PPARG: variants seen among roughly 807,000 people sequenced by gnomAD.
PPARG encodes the protein peroxisome proliferator activated receptor gamma.
Under a neutral mutation model 39.2 loss-of-function variants are expected in PPARG, and 17 were observed. That is an observed-to-expected ratio of 0.43 (90% confidence interval 0.30 to 0.65). PPARG has a LOEUF of 0.65. PPARG is among the 30% of genes least tolerant of loss of function. The pLI, the probability that PPARG is intolerant of heterozygous loss-of-function variation, is 0.13. For missense variants in PPARG, 406 were observed against 585.9 expected (o/e 0.69, Z 3.17); for synonymous variants, 223 against 215.7 (o/e 1.03, Z -0.30).
At chr3:12,318,602 ACT>A (rs1221919399) in intron 2 of PPARG, among the ~76,000 whole-genome samples, 3 of 151,682 alleles carry the variant, frequency 2.0e-5, no homozygotes, top group African/African-American at 7.3e-5. Context: ...TATGGGTGAA[ACT>A]CTCTCCTTTT....
intron 7 of PPARG, among the ~76,000 whole-genome samples, chr3:12,427,560 A>G (rs2051495434): frequency 6.6e-6 from 1 of 152,148 alleles, no homozygotes. Flanking sequence ...TCCTCTACCT[A>G]TTTCATTCTC....
intron 2 of PPARG, among the ~76,000 whole-genome samples, chr3:12,321,954 A>G (rs2047558535): frequency 2.0e-5 from 3 of 152,238 alleles, no homozygotes; most frequent in African/African-American, 7.2e-5. Context: ...ATATGCATTT[A>G]TTTCTACTAA....
chr3:12,408,209 T>A (rs578107319), intron 6 of PPARG, among the ~76,000 whole-genome samples: 1 of 152,322 alleles, frequency 6.6e-6, no homozygotes, highest in South Asian at 2.1e-4. Context: ...CCATGATTGT[T>A]TTTTCTCAAT....
intron 1 of PPARG, among the ~76,000 whole-genome samples, chr3:12,300,576 CTT>C (rs981685483): frequency 1.4e-5 from 2 of 143,830 alleles, no homozygotes; most frequent in Admixed American, 7.0e-5. Context: ...CTGGTCCCAG[CTT>C]TTTTTTTTTT....
At chr3:12,419,526 G>A (rs1049760293) in intron 7 of PPARG, among the ~76,000 whole-genome samples, 6 of 151,234 alleles carry the variant, frequency 4.0e-5, no homozygotes, top group African/African-American at 1.5e-4. Context: ...GCAGTGGTGC[G>A]ATCTCGGCTC....
chr3:12,357,030 G>A (rs1000110322), intron 2 of PPARG, among the ~76,000 whole-genome samples: 10 of 151,896 alleles, frequency 6.6e-5, no homozygotes, highest in African/African-American at 1.9e-4. Flanking sequence ...CTCTTCTGCC[G>A]CTTCCACTGC....
chr3:12,368,405 C>A (rs2125137087), intron 2 of PPARG, among the ~76,000 whole-genome samples: 1 of 152,236 alleles, frequency 6.6e-6, no homozygotes, highest in African/African-American at 2.4e-5. Context: ...TGGTCTCGAA[C>A]TCCTGACCTC....
intron 1 of PPARG, among the ~76,000 whole-genome samples, chr3:12,298,095 C>A (rs559693935): frequency 1.3e-5 from 2 of 150,636 alleles, no homozygotes; most frequent in Admixed American, 1.3e-4. Flanking sequence ...GTCAGGAGAT[C>A]GAGACCATCC....
At chr3:12,355,914 T>TTTTG (rs2048645638) in intron 2 of PPARG, among the ~76,000 whole-genome samples, 1 of 152,244 alleles carries the variant, frequency 6.6e-6, no homozygotes, top group African/African-American at 2.4e-5. Flanking sequence ...TTTGTCAGCA[T>TTTTG]TCTCACTTAT....
At chr3:12,401,091 G>A (rs1051845386) in intron 5 of PPARG, among the ~76,000 whole-genome samples, 1 of 152,158 alleles carries the variant, frequency 6.6e-6, no homozygotes, top group African/African-American at 2.4e-5. Context: ...AGTACACTCA[G>A]CCTTTATAGT....
chr3:12,362,879 T>A (rs972418601), intron 2 of PPARG, among the ~76,000 whole-genome samples: 15 of 150,648 alleles, frequency 1.0e-4, no homozygotes, highest in South Asian at 6.3e-4. Flanking sequence ...GTTTTTTATT[T>A]AAAAAAAAAA....
At position 12,423,953 on chromosome 3, in the gene PPARG, T is replaced by C. The variant is rs182704256; in HGVS notation, c.1180+6799T>C. 3.3e-3 allele frequency among the ~76,000 whole-genome samples: 497 copies of C among 152,370 alleles called. 4 individuals are homozygous for C. Among genetic ancestry groups the C allele is most frequent in the Middle Eastern group, 0.01 (3 of 294 alleles). On this transcript the variant is annotated intron_variant, in intron 7 of 7. Coordinates refer to ENST00000651735, the MANE Select transcript of PPARG (RefSeq NM_138711.6). ...AGAGTAATAGCACTTATTTATTAAC[T>C]GGAAGAAATTTTACAGGCACCTATG...
intron 1 of PPARG, among the ~76,000 whole-genome samples, chr3:12,297,536 T>G (rs1326372728): frequency 6.6e-6 from 1 of 152,166 alleles, no homozygotes; most frequent in African/African-American, 2.4e-5. Flanking sequence ...ATATATGATT[T>G]TTTTCCTATT....
intron 2 of PPARG, among the ~76,000 whole-genome samples, chr3:12,323,006 A>G (rs1273450262): frequency 1.3e-5 from 2 of 151,772 alleles, no homozygotes; most frequent in East Asian, 1.9e-4. Flanking sequence ...GAATCTCGCT[A>G]TGTTGGCCAG....
At chr3:12,372,422 A>G (rs536682246) in intron 2 of PPARG, among the ~76,000 whole-genome samples, 1 of 152,316 alleles carries the variant, frequency 6.6e-6, no homozygotes, top group South Asian at 2.1e-4. Context: ...TTCCAGGTCC[A>G]TGCCTCAGTT....
At position 12,341,182 on chromosome 3, in the gene PPARG, C is replaced by CA. The variant is rs11321700; in HGVS notation, c.-9+28743dup. Among the ~76,000 whole-genome samples the CA allele has an allele frequency of 1.8e-4, 26 of 140,758 alleles. No homozygotes were observed. The East Asian group carries it at 2.2e-3, about 12-fold the overall frequency. The allele number at this position is 140,758 out of a possible 152,430, so 92.3% of individuals were successfully genotyped here. A position where few individuals can be genotyped will look rare whatever the true frequency, so the allele number is the denominator to read the frequency against. On this transcript the variant is annotated intron_variant, in intron 2 of 7. Coordinates refer to ENST00000651735, the MANE Select transcript of PPARG (RefSeq NM_138711.6). The stretch of plus-strand genomic sequence containing the variant: ...TGGGCAACAGAGCGAGACTCCGTCT[C>CA]AAAAAAAAAAAAAAGATTAGATATT...
intron 2 of PPARG, among the ~76,000 whole-genome samples, chr3:12,362,574 G>A (rs1050429586): frequency 2.0e-5 from 3 of 149,064 alleles, no homozygotes; most frequent in Non-Finnish European, 3.0e-5. Flanking sequence ...TAAATAAAAC[G>A]AACAACAACA....
chr3:12,385,098 C>T (rs929532239), intron 4 of PPARG, among the ~76,000 whole-genome samples: 4 of 152,196 alleles, frequency 2.6e-5, no homozygotes, highest in Non-Finnish European at 5.9e-5. Context: ...AGCTTATAAC[C>T]AATACGCAAT....
intron 2 of PPARG, among the ~76,000 whole-genome samples, chr3:12,336,536 G>A (rs1031449794): frequency 2.0e-5 from 3 of 152,126 alleles, no homozygotes; most frequent in African/African-American, 7.2e-5. Context: ...AAAAAGATTA[G>A]CTGAACATCC....
Sources: gnomAD v4.1 joint callset for allele counts (sites outside exome capture counted in the v4.1 genomes callset) on GRCh38, gnomAD v4.1.1 for gene constraint, MANE v1.5 for transcripts, NCBI Gene and HGNC (gene_info 2026-07-23, HGNC 2026-07-21) for gene names.